ERBB4: variants seen among roughly 807,000 people sequenced by gnomAD.
The protein encoded by ERBB4 is erb-b2 receptor tyrosine kinase 4.
Under a neutral mutation model 158.0 loss-of-function variants are expected in ERBB4, and 42 were observed. That is an observed-to-expected ratio of 0.27 (90% CI 0.21 to 0.34). The LOEUF (loss-of-function observed/expected upper bound fraction) is 0.34. Ranked by LOEUF, ERBB4 falls within the 10% of genes least tolerant of loss-of-function variation. The probability of loss-of-function intolerance (pLI) is 1.00; values close to 1 mark genes in which losing one functional copy is unlikely to be tolerated. For synonymous variants in ERBB4, 583 were observed against 558.7 expected (o/e 1.04, Z -0.61); for missense variants, 1,333 against 1,624.1 (o/e 0.82, Z 3.08).
intron 1 of ERBB4, among the ~76,000 whole-genome samples, chr2:212,324,573 G>A (rs16775): frequency 0.84 from 124,770 of 148,156 alleles, 53,595 homozygotes; most frequent in Middle Eastern, 0.94. Flanking sequence ...TTAGTGGATC[G>A]GTGAATAATA....
chr2:211,805,361 G>A (rs1386688733), intron 3 of ERBB4, among the ~76,000 whole-genome samples: 9 of 152,160 alleles, frequency 5.9e-5, no homozygotes, highest in African/African-American at 4.8e-5. Context: ...TCAAATATCC[G>A]AGGGTAATGA....
At chr2:212,378,560 C>A (rs2090402760) in intron 1 of ERBB4, among the ~76,000 whole-genome samples, 1 of 151,842 alleles carries the variant, frequency 6.6e-6, no homozygotes, top group African/African-American at 2.4e-5. Flanking sequence ...GTTATTTTCA[C>A]CTAAAATTTG....
intron 12 of ERBB4, among the ~76,000 whole-genome samples, chr2:211,685,658 A>T (rs2072534292): frequency 6.6e-6 from 1 of 152,072 alleles, no homozygotes; most frequent in Non-Finnish European, 1.5e-5. Flanking sequence ...ATCTCAACAA[A>T]CCTTTTTGAT....
intron 1 of ERBB4, among the ~76,000 whole-genome samples, chr2:212,511,642 G>T (rs769260245): frequency 4.6e-5 from 7 of 151,812 alleles, no homozygotes; most frequent in African/African-American, 1.5e-4. Flanking sequence ...TCTTTCTAAT[G>T]ACCAAGAAGG....
chr2:212,050,672 A>C (rs1328922508), intron 2 of ERBB4, among the ~76,000 whole-genome samples: 1 of 152,236 alleles, frequency 6.6e-6, no homozygotes, highest in African/African-American at 2.4e-5. Context: ...AAAATTAAGT[A>C]TTACTGTCTT....
intron 1 of ERBB4, among the ~76,000 whole-genome samples, chr2:212,351,124 T>G (rs995650440): frequency 4.6e-5 from 7 of 152,098 alleles, no homozygotes; most frequent in Admixed American, 4.6e-4. Context: ...AAGAGGTGAT[T>G]AGGTTAAAAT....
intron 25 of ERBB4, among the ~76,000 whole-genome samples, chr2:211,416,803 G>A (rs1432096051): frequency 6.8e-6 from 1 of 146,374 alleles, no homozygotes; most frequent in Middle Eastern, 3.2e-3. Flanking sequence ...GGGCATAGAT[G>A]AAGCCTTCCC....
intron 1 of ERBB4, among the ~76,000 whole-genome samples, chr2:212,301,058 T>C (rs2086600447): frequency 1.3e-5 from 2 of 151,446 alleles, no homozygotes; most frequent in Admixed American, 1.3e-4. Flanking sequence ...GTTAAAAGAT[T>C]TGTACAGTTA....
chr2:212,085,064 T>G (rs1019825458), intron 2 of ERBB4, among the ~76,000 whole-genome samples: 1 of 151,928 alleles, frequency 6.6e-6, no homozygotes, highest in Non-Finnish European at 1.5e-5. Flanking sequence ...AAAATAAACA[T>G]GCATTTTCCT....
At chr2:211,769,170 C>T (rs981039617) in intron 4 of ERBB4, among the ~76,000 whole-genome samples, 25 of 152,296 alleles carry the variant, frequency 1.6e-4, no homozygotes, top group South Asian at 4.1e-4. Flanking sequence ...AGTCTCTTTG[C>T]TAAAGCATAG....
intron 20 of ERBB4, among the ~76,000 whole-genome samples, chr2:211,542,742 T>G (rs2066844007): frequency 6.6e-6 from 1 of 151,920 alleles, no homozygotes; most frequent in African/African-American, 2.4e-5. Flanking sequence ...GATTTCCCTT[T>G]AAATAAACAA....
intron 9 of ERBB4, among the ~76,000 whole-genome samples, chr2:211,707,063 A>C (rs2106058725): frequency 1.3e-5 from 2 of 152,324 alleles, no homozygotes; most frequent in South Asian, 4.1e-4. Context: ...AGTATAGGAC[A>C]GCTCAGGTCG....
chr2:211,966,883 A>G (rs779380482), intron 2 of ERBB4, among the ~76,000 whole-genome samples: 20 of 152,260 alleles, frequency 1.3e-4, no homozygotes, highest in Non-Finnish European at 2.4e-4. Context: ...CAAGTTGTGT[A>G]TAATTTTATC....
intron 20 of ERBB4, among the ~76,000 whole-genome samples, chr2:211,440,523 A>G (rs1401087773): frequency 6.6e-6 from 1 of 152,196 alleles, no homozygotes; most frequent in Non-Finnish European, 1.5e-5. Flanking sequence ...GTAATAATTG[A>G]GCAGAAACAG....
intron 20 of ERBB4, among the ~76,000 whole-genome samples, chr2:211,440,845 T>C (rs11887237): frequency 6.6e-6 from 1 of 152,130 alleles, no homozygotes; most frequent in Non-Finnish European, 1.5e-5. Context: ...AAGGCTCTTA[T>C]GCAACTTGAG....
rs1351411179 is a variant in ERBB4 at position 212,216,993 on chromosome 2, A to G, written c.83-92090T>C. 2.0e-5 allele frequency among the ~76,000 whole-genome samples: 3 copies of G among 151,398 alleles called. No individual in the cohort carries two copies. In the East Asian group the frequency reaches 5.8e-4, roughly 29 times the overall value. On this transcript the variant is annotated intron_variant, in intron 1 of 27. Transcript: ENST00000342788. The stretch of plus-strand genomic sequence containing the variant: ...ATTCCTTGCAATATCCTTCACATGT[A>G]TGTGTTAAGATTGCAGATCAAGGCA...
intron 1 of ERBB4, among the ~76,000 whole-genome samples, chr2:212,254,346 C>G (rs565644259): frequency 5.3e-5 from 8 of 152,232 alleles, no homozygotes; most frequent in South Asian, 4.1e-4. Context: ...AAAATGCGGA[C>G]AGCTATGTTG....
chr2:211,454,928 G>A (rs1396331939), intron 20 of ERBB4, among the ~76,000 whole-genome samples: 1 of 152,222 alleles, frequency 6.6e-6, no homozygotes, highest in Non-Finnish European at 1.5e-5. Context: ...CCGGCACACA[G>A]GATGTGCTGT....
chr2:212,010,311 G>A (rs1052940719), intron 2 of ERBB4, among the ~76,000 whole-genome samples: 1 of 152,098 alleles, frequency 6.6e-6, no homozygotes, highest in Non-Finnish European at 1.5e-5. Flanking sequence ...GCTTCTGGTG[G>A]TCTAAACATA....
Sources: gnomAD v4.1 joint callset for allele counts (sites outside exome capture counted in the v4.1 genomes callset) on GRCh38, gnomAD v4.1.1 for gene constraint, MANE v1.5 for transcripts, NCBI Gene and HGNC (gene_info 2026-07-23, HGNC 2026-07-21) for gene names.